TOX: variants seen among roughly 807,000 people sequenced by gnomAD.
TOX encodes the protein thymocyte selection-associated high mobility group box protein TOX.
A neutral mutation model predicts 53.7 loss-of-function variants in TOX; 11 were observed. The observed-to-expected ratio is 0.20, with a 90% confidence interval of 0.13 to 0.34. The LOEUF (loss-of-function observed/expected upper bound fraction) is 0.34. Among genes scored for constraint, TOX ranks in the 10% least tolerant of loss-of-function variants. The probability of loss-of-function intolerance (pLI) is 1.00; values close to 1 mark genes in which losing one functional copy is unlikely to be tolerated. For synonymous variants in TOX, 225 were observed against 245.3 expected (o/e 0.92, Z 0.77); for missense variants, 570 against 664.6 (o/e 0.86, Z 1.56).
chr8:58,981,746 C>T (rs978963963), intron 1 of TOX, among the ~76,000 whole-genome samples: 4 of 152,130 alleles, frequency 2.6e-5, no homozygotes, highest in Admixed American at 2.6e-4. Context: ...TAATTCTCCT[C>T]CTCTTCATCT....
chr8:58,994,419 T>TGTGTGTGC (rs527361544), intron 1 of TOX, among the ~76,000 whole-genome samples: 33 of 141,286 alleles, frequency 2.3e-4, no homozygotes, highest in South Asian at 9.8e-4. Flanking sequence ...TGTGTGTGTG[T>TGTGTGTGC]GCGCGCGCGC....
At chr8:58,872,639 G>A (rs140988916) in intron 3 of TOX, among the ~76,000 whole-genome samples, 467 of 152,210 alleles carry the variant, frequency 3.1e-3, no homozygotes, top group African/African-American at 0.01. Context: ...ATTACCTAAT[G>A]TATCATCATC....
At chr8:58,841,861 C>A (rs1364659701) in intron 4 of TOX, among the ~76,000 whole-genome samples, 3 of 152,032 alleles carry the variant, frequency 2.0e-5, no homozygotes, top group Non-Finnish European at 4.4e-5. Flanking sequence ...AAATTGGGAA[C>A]AAAGTACAGA....
chr8:58,952,787 C>G (rs1812643601), intron 2 of TOX, among the ~76,000 whole-genome samples: 1 of 152,152 alleles, frequency 6.6e-6, no homozygotes, highest in Non-Finnish European at 1.5e-5. Context: ...TTCTAAAATT[C>G]TCACACCTAC....
intron 3 of TOX, among the ~76,000 whole-genome samples, chr8:58,878,098 C>T (rs931872428): frequency 6.6e-6 from 1 of 152,068 alleles, no homozygotes; most frequent in Non-Finnish European, 1.5e-5. Flanking sequence ...ACTAGCAGTG[C>T]CATCAGCTTT....
chr8:58,838,699 CTTTTTTTTT>C (rs35347981), intron 4 of TOX, among the ~76,000 whole-genome samples: 1 of 88,912 alleles, frequency 1.1e-5, no homozygotes, highest in African/African-American at 6.0e-5. Flanking sequence ...TTATCCTTGT[CTTTTTTTTT>C]TTTTTTTTTT....
chr8:59,065,265 A>G (rs549228325), intron 1 of TOX, among the ~76,000 whole-genome samples: 38 of 152,220 alleles, frequency 2.5e-4, no homozygotes, highest in Non-Finnish European at 4.1e-4. Context: ...TCAAAGAACT[A>G]CCAAATATAA....
At chr8:58,944,671 A>T (rs1812498053) in intron 2 of TOX, among the ~76,000 whole-genome samples, 1 of 152,228 alleles carries the variant, frequency 6.6e-6, no homozygotes, top group African/African-American at 2.4e-5. Context: ...TATAAGCATT[A>T]AAAACAAAAA....
At chr8:59,081,122 G>A (rs1804398461) in intron 1 of TOX, among the ~76,000 whole-genome samples, 1 of 152,104 alleles carries the variant, frequency 6.6e-6, no homozygotes, top group Non-Finnish European at 1.5e-5. Flanking sequence ...TGCCTCCTGG[G>A]TTCAAGTGAT....
chr8:59,073,860 C>G (rs1348370824), intron 1 of TOX, among the ~76,000 whole-genome samples: 1 of 152,020 alleles, frequency 6.6e-6, no homozygotes, highest in Non-Finnish European at 1.5e-5. Flanking sequence ...TCTGTGAGGC[C>G]CTTCACTTAA....
intron 3 of TOX, among the ~76,000 whole-genome samples, chr8:58,907,577 A>C (rs1356875639): frequency 3.3e-5 from 5 of 152,094 alleles, no homozygotes; most frequent in Non-Finnish European, 7.4e-5. Context: ...CCTGTGCGAC[A>C]GAGGAAGAGC....
At chr8:58,933,853 C>T (rs1026344046) in intron 3 of TOX, among the ~76,000 whole-genome samples, 16 of 152,172 alleles carry the variant, frequency 1.1e-4, no homozygotes, top group Non-Finnish European at 8.8e-5. Context: ...TCCTGCACCC[C>T]ACCCCTGACA....
intron 1 of TOX, among the ~76,000 whole-genome samples, chr8:59,063,886 T>C (rs1214593868): frequency 6.7e-6 from 1 of 149,898 alleles, no homozygotes; most frequent in East Asian, 2.1e-4. Flanking sequence ...TGCTGTGATA[T>C]ATAAATCATG....
chr8:58,861,256 T>C (rs2166923), intron 3 of TOX, among the ~76,000 whole-genome samples: 8,326 of 152,288 alleles, frequency 0.055, 776 homozygotes, highest in African/African-American at 0.19. Flanking sequence ...GGGTCTGTCC[T>C]GTCTAAAAGA....
chr8:58,923,480 C>T (rs891372059), intron 3 of TOX, among the ~76,000 whole-genome samples: 1 of 152,188 alleles, frequency 6.6e-6, no homozygotes, highest in African/African-American at 2.4e-5. Context: ...AATACTCACT[C>T]AGTGAAACTT....
At chr8:58,874,556 A>G (rs977191630) in intron 3 of TOX, among the ~76,000 whole-genome samples, 1 of 152,212 alleles carries the variant, frequency 6.6e-6, no homozygotes, top group African/African-American at 2.4e-5. Context: ...GTCTACTTGT[A>G]TTGGAGTCAA....
At chr8:59,021,734 A>G (rs995248487) in intron 1 of TOX, among the ~76,000 whole-genome samples, 19 of 152,042 alleles carry the variant, frequency 1.2e-4, no homozygotes, top group Non-Finnish European at 2.2e-4. Flanking sequence ...AAACTGGTAT[A>G]TACCATTTTG....
At chr8:59,018,127 T>C (rs1047652790) in intron 1 of TOX, among the ~76,000 whole-genome samples, 184 of 152,188 alleles carry the variant, frequency 1.2e-3, no homozygotes, top group African/African-American at 4.3e-3. Flanking sequence ...AGATTCATAA[T>C]GTGCCACTGT....
intron 1 of TOX, among the ~76,000 whole-genome samples, chr8:58,998,516 TA>T (rs1813611415): frequency 1.6e-5 from 2 of 121,356 alleles, no homozygotes. Context: ...TATATATATA[TA>T]TATATATATA....
Sources: allele counts gnomAD v4.1 joint callset (sites outside exome capture counted in the v4.1 genomes callset), GRCh38; gene constraint gnomAD v4.1.1; transcripts MANE v1.5; gene names NCBI Gene and HGNC (gene_info 2026-07-23, HGNC 2026-07-21).